Variants in ELP4 observed in about 807,000 individuals in gnomAD.
The protein encoded by ELP4 is elongator acetyltransferase complex subunit 4, also known as elongator complex protein 4.
ELP4 carries 51 observed loss-of-function variants against 48.9 expected under a neutral mutation model. The ratio of observed to expected loss-of-function variants is 1.04; its 90% CI spans 0.83 to 1.32. ELP4 has a LOEUF of 1.32. Ranked by LOEUF, ELP4 falls within the 40% of genes most tolerant of loss-of-function variation. ELP4 has a pLI of 0.00. For synonymous variants in ELP4, 210 were observed against 189.2 expected, an observed-to-expected ratio of 1.11 and a Z score of -0.90; for missense variants, 519 against 514.6, an observed-to-expected ratio of 1.01 and a Z score of -0.08.
chr11:31,517,474 A>C (rs1956136052), intron 1 of ELP4, among the ~76,000 whole-genome samples: 1 of 151,690 alleles, frequency 6.6e-6, no homozygotes, highest in South Asian at 2.1e-4. Context: ...TATCAAAGGA[A>C]CTTTTGTTAC....
chr11:31,782,172 T>G (rs1948392361), intron 9 of ELP4, among the ~76,000 whole-genome samples: 1 of 152,220 alleles, frequency 6.6e-6, no homozygotes, highest in Non-Finnish European at 1.5e-5. Flanking sequence ...ATTTTTAGTT[T>G]TAAAATATTT....
At position 31,551,565 on chromosome 11, in the gene ELP4, G is replaced by T. The variant is rs148944920; in HGVS notation, c.381+11782G>T. Among the ~76,000 whole-genome samples the T allele has an allele frequency of 3.2e-4, 49 of 152,052 alleles. 2 individuals carry two copies. In the East Asian group the frequency reaches 8.9e-3, roughly 28 times the overall value. On this transcript the variant is annotated intron_variant, in intron 3 of 9. Transcript: ENST00000640961. Reference sequence around the variant, plus strand: ...AGACAAATTAGTATAAGTTTATTTTGGTGCAGAAAAGTTTTGGAAGTTATG... The same window carrying T: ...AGACAAATTAGTATAAGTTTATTTTTGTGCAGAAAAGTTTTGGAAGTTATG...
chr11:31,657,728 T>G (rs578047532), intron 9 of ELP4, among the ~76,000 whole-genome samples: 5 of 152,094 alleles, frequency 3.3e-5, no homozygotes, highest in Middle Eastern at 3.4e-3. Flanking sequence ...ACAGGAGTTA[T>G]ATAACCTTCC....
At chr11:31,519,957 A>C in intron 1 of ELP4, 99 bp from the exon 2 acceptor site, 1 of 1,098,856 alleles carries the variant, frequency 9.1e-7, no homozygotes, top group East Asian at 2.4e-5. Context: ...CTACTGTTTT[A>C]AAGTTATTGA....
chr11:31,723,898 T>C (rs1057184728), intron 9 of ELP4, among the ~76,000 whole-genome samples: 1 of 152,200 alleles, frequency 6.6e-6, no homozygotes, highest in African/African-American at 2.4e-5. Context: ...GTACCTTGAG[T>C]GAATAGGCTG....
intron 9 of ELP4, among the ~76,000 whole-genome samples, chr11:31,712,978 T>G (rs914291633): frequency 1.3e-5 from 2 of 152,178 alleles, no homozygotes; most frequent in Non-Finnish European, 2.9e-5. Context: ...TCTTGTAATA[T>G]TCTCTCTTCA....
chr11:31,513,116 G>T (rs939091309), intron 1 of ELP4, among the ~76,000 whole-genome samples: 1 of 152,026 alleles, frequency 6.6e-6, no homozygotes, highest in African/African-American at 2.4e-5. Flanking sequence ...TGTAGCATGG[G>T]ATAATATACA....
At chr11:31,603,996 A>G (rs1293843206) in intron 5 of ELP4, 89 bp downstream of exon 5, 2 of 968,050 alleles carry the variant, frequency 2.1e-6, no homozygotes, top group East Asian at 5.1e-5. Flanking sequence ...ATACACATCT[A>G]AGGGTAAATA....
At chr11:31,770,747 T>A (rs7945920) in intron 9 of ELP4, among the ~76,000 whole-genome samples, 33,074 of 148,904 alleles carry the variant, frequency 0.22, 4,328 homozygotes, top group Non-Finnish European at 0.29. Flanking sequence ...AAGACGCCCA[T>A]CTCTACAAAA....
At chr11:31,763,379 C>T in intron 9 of ELP4, 1 of 1,553,246 alleles carries the variant, frequency 6.4e-7, no homozygotes, top group Admixed American at 1.9e-5. Context: ...TTACTGTTGA[C>T]TAACAAGTTG....
At chr11:31,748,400 A>C (rs1295767112) in intron 9 of ELP4, among the ~76,000 whole-genome samples, 1 of 152,008 alleles carries the variant, frequency 6.6e-6, no homozygotes, top group Admixed American at 6.6e-5. Context: ...GCACGCCACT[A>C]TGCCCAGCTA....
chr11:31,761,084 T>A (rs1947935754), intron 9 of ELP4, among the ~76,000 whole-genome samples: 1 of 152,188 alleles, frequency 6.6e-6, no homozygotes, highest in Non-Finnish European at 1.5e-5. Flanking sequence ...ATGGCAAGGC[T>A]GTTCGCGGTG....
At chr11:31,685,111 G>T (rs924328865) in intron 9 of ELP4, among the ~76,000 whole-genome samples, 4 of 152,166 alleles carry the variant, frequency 2.6e-5, no homozygotes, top group African/African-American at 7.2e-5. Context: ...CCAGCACTTT[G>T]GGAGGCCAAG....
At chr11:31,544,963 TAACA>T (rs1956672712) in intron 3 of ELP4, among the ~76,000 whole-genome samples, 1 of 152,040 alleles carries the variant, frequency 6.6e-6, no homozygotes, top group African/African-American at 2.4e-5. Context: ...GAAGGAAAAC[TAACA>T]AACAGAAAGG....
chr11:31,655,143 A>G (rs1176914599), intron 9 of ELP4, among the ~76,000 whole-genome samples: 1 of 152,036 alleles, frequency 6.6e-6, no homozygotes, highest in Non-Finnish European at 1.5e-5. Context: ...TGATATATTC[A>G]TTATATTATC....
intron 5 of ELP4, among the ~76,000 whole-genome samples, chr11:31,613,392 T>G (rs1029185800): frequency 2.6e-5 from 4 of 152,182 alleles, no homozygotes; most frequent in African/African-American, 9.6e-5. Context: ...ATCTAAGAGA[T>G]TCACAGTATA....
At chr11:31,599,516 CACACACAA>C (rs1415206493) in intron 4 of ELP4, 45 of 13,192 alleles carry the variant, frequency 3.4e-3, no homozygotes, top group African/African-American at 4.1e-3. Flanking sequence ...CACACACACA[CACACACAA>C]AAAAAAAAAA....
At chr11:31,516,774 G>C (rs1956120209) in intron 1 of ELP4, among the ~76,000 whole-genome samples, 3 of 152,262 alleles carry the variant, frequency 2.0e-5, no homozygotes, top group South Asian at 2.1e-4. Context: ...TTATAGCCGT[G>C]AGCCACTGCA....
At chr11:31,610,517 C>G (rs1173765608) in intron 5 of ELP4, among the ~76,000 whole-genome samples, 1 of 152,144 alleles carries the variant, frequency 6.6e-6, no homozygotes, top group African/African-American at 2.4e-5. Flanking sequence ...CCTCCCTTCC[C>G]CCCTCCGTAT....
Sources: gnomAD v4.1 joint callset for allele counts (sites outside exome capture counted in the v4.1 genomes callset) on GRCh38, gnomAD v4.1.1 for gene constraint, MANE v1.5 for transcripts, NCBI Gene and HGNC (gene_info 2026-07-23, HGNC 2026-07-21) for gene names.